The following CAMKMT variants were observed in gnomAD, a reference collection of about 807,000 sequenced individuals.
The protein encoded by CAMKMT is calmodulin-lysine N-methyltransferase, also known as CaM KMT.
A neutral mutation model predicts 48.0 loss-of-function variants in CAMKMT; 53 were observed. The ratio of observed to expected loss-of-function variants is 1.10; its 90% CI spans 0.89 to 1.39. The LOEUF (loss-of-function observed/expected upper bound fraction) is 1.39. Ranked by LOEUF, CAMKMT falls within the 40% of genes most tolerant of loss-of-function variation. The pLI, the probability that CAMKMT is intolerant of heterozygous loss-of-function variation, is 0.00. For synonymous variants in CAMKMT, 165 were observed against 152.3 expected (o/e 1.08, Z -0.61); for missense variants, 428 against 402.7 (o/e 1.06, Z -0.54).
chr2:44,504,636 C>T (rs1286902077), intron 3 of CAMKMT, among the ~76,000 whole-genome samples: 1 of 152,058 alleles, frequency 6.6e-6, no homozygotes, highest in Non-Finnish European at 1.5e-5. Flanking sequence ...TTTGGTGTTG[C>T]TGTTATTTTT....
intron 10 of CAMKMT, among the ~76,000 whole-genome samples, chr2:44,768,594 C>T (rs1243755145): frequency 6.6e-6 from 1 of 151,984 alleles, no homozygotes; most frequent in Non-Finnish European, 1.5e-5. Context: ...TGCTCCTCGC[C>T]CATCCCCATG....
At chr2:44,687,121 A>AT (rs1376905224) in intron 3 of CAMKMT, among the ~76,000 whole-genome samples, 2 of 152,172 alleles carry the variant, frequency 1.3e-5, no homozygotes, top group Non-Finnish European at 2.9e-5. Context: ...ACATAATTCA[A>AT]TTTTTTTATC....
chr2:44,501,897 G>T lies in CAMKMT; in HGVS notation c.376+111592G>T, dbSNP rs568558464. ...GCGGGGTGGGTTGGAGGCGAAACAA[G>T]AATAAAATGATACAACAAAAACAAA... On this transcript the variant is annotated intron_variant, in intron 3 of 10. Transcript: ENST00000378494. 4.6e-5 allele frequency among the ~76,000 whole-genome samples: 7 copies of T among 152,106 alleles called. No homozygotes were observed. In the South Asian group the frequency reaches 1.5e-3, roughly 32 times the overall value.
intron 3 of CAMKMT, among the ~76,000 whole-genome samples, chr2:44,569,548 A>G (rs542185163): frequency 1.3e-5 from 2 of 152,178 alleles, no homozygotes; most frequent in East Asian, 3.9e-4. Flanking sequence ...CTCAGATTCC[A>G]TGATTTTCCT....
chr2:44,382,726 G>A (rs185508463), intron 2 of CAMKMT, among the ~76,000 whole-genome samples: 127 of 152,144 alleles, frequency 8.3e-4, no homozygotes, highest in South Asian at 1.7e-3. Context: ...TGATCCACCC[G>A]CCTTGGCCTC....
chr2:44,547,730 G>A (rs973825425), intron 3 of CAMKMT, among the ~76,000 whole-genome samples: 3 of 152,082 alleles, frequency 2.0e-5, no homozygotes, highest in Admixed American at 2.0e-4. Context: ...CATTTCATAG[G>A]GTTACTATGA....
At chr2:44,565,660 C>T (rs887185688) in intron 3 of CAMKMT, among the ~76,000 whole-genome samples, 2 of 151,318 alleles carry the variant, frequency 1.3e-5, no homozygotes, top group South Asian at 2.1e-4. Flanking sequence ...CTCAGAGAAT[C>T]GGATCTAAGT....
rs1339795687 is a variant in CAMKMT at position 44,653,615 on chromosome 2, GAGA to G, written c.377-50665_377-50663del. Among the ~76,000 whole-genome samples the G allele has an allele frequency of 6.6e-5, 10 of 152,198 alleles. No individual in the cohort carries two copies. Among genetic ancestry groups the G allele is most frequent in the Non-Finnish European group, 1.5e-5 (1 of 68,040 alleles). On this transcript the variant is annotated intron_variant, in intron 3 of 10. Coordinates refer to ENST00000378494, the MANE Select transcript of CAMKMT (RefSeq NM_024766.5). This position sits in a 1 kb window ranked among gnomAD's most constrained non-coding sequence, Gnocchi z 5.2. ...AATGGAGTTATGCAGAAGGTATGCA[GAGA>G]AGGAGTGGCTTAGGTTAGGTTCCCA...
intron 2 of CAMKMT, among the ~76,000 whole-genome samples, chr2:44,376,365 C>T (rs906686425): frequency 2.0e-5 from 3 of 148,738 alleles, no homozygotes; most frequent in Non-Finnish European, 4.4e-5. Flanking sequence ...AGGTTGCAGT[C>T]AGATGAGATT....
chr2:44,378,220 T>C (rs574802464), intron 2 of CAMKMT, among the ~76,000 whole-genome samples: 1 of 152,332 alleles, frequency 6.6e-6, no homozygotes, highest in South Asian at 2.1e-4. Context: ...TATGGGCTAG[T>C]ATAACTTAGT....
chr2:44,628,970 T>A (rs1376265792), intron 3 of CAMKMT, among the ~76,000 whole-genome samples: 2 of 152,178 alleles, frequency 1.3e-5, no homozygotes, highest in African/African-American at 4.8e-5. Flanking sequence ...CATGTACACT[T>A]GAAAAAACAT....
chr2:44,459,582 A>G (rs1487554290), intron 3 of CAMKMT, among the ~76,000 whole-genome samples: 2 of 152,238 alleles, frequency 1.3e-5, no homozygotes, highest in Admixed American at 6.5e-5. Context: ...AAATCAGAAC[A>G]GTGCTTTAAA....
intron 2 of CAMKMT, among the ~76,000 whole-genome samples, chr2:44,381,668 A>T (rs1230871869): frequency 6.6e-6 from 1 of 152,194 alleles, no homozygotes; most frequent in East Asian, 1.9e-4. Context: ...TTACTTAATG[A>T]TGTGGGAAAC....
chr2:44,731,956 T>G (rs1679098896), intron 7 of CAMKMT, among the ~76,000 whole-genome samples: 1 of 152,216 alleles, frequency 6.6e-6, no homozygotes, highest in African/African-American at 2.4e-5. Context: ...GATTTTTCTT[T>G]ATTTTTAAAA....
chr2:44,598,717 T>TGG (rs1670814570), intron 3 of CAMKMT, among the ~76,000 whole-genome samples: 1 of 30,970 alleles, frequency 3.2e-5, no homozygotes, highest in African/African-American at 1.2e-4. Flanking sequence ...GTCCTTTGGG[T>TGG]CTTGTCTTAG....
At chr2:44,550,553 T>C (rs1667651195) in intron 3 of CAMKMT, 1 of 152,208 alleles carries the variant, frequency 6.6e-6, no homozygotes, top group Non-Finnish European at 1.5e-5. Flanking sequence ...ACTATAAAGT[T>C]ATCACTAAGC....
intron 3 of CAMKMT, among the ~76,000 whole-genome samples, chr2:44,609,450 A>T (rs1259686133): frequency 6.6e-6 from 1 of 152,246 alleles, no homozygotes; most frequent in Non-Finnish European, 1.5e-5. Flanking sequence ...TCAATTTTTA[A>T]ATAAAACACT....
intron 3 of CAMKMT, among the ~76,000 whole-genome samples, chr2:44,512,429 G>C (rs1558667616): frequency 6.6e-6 from 1 of 152,090 alleles, no homozygotes; most frequent in Non-Finnish European, 1.5e-5. Context: ...TTATTTTCTA[G>C]CTTTTATGGA....
chr2:44,576,370 G>A (rs545942615), intron 3 of CAMKMT, among the ~76,000 whole-genome samples: 6 of 151,764 alleles, frequency 4.0e-5, no homozygotes, highest in Admixed American at 1.3e-4. Context: ...AAGAACACAG[G>A]TGGGAGAAAG....
Sources: allele counts gnomAD v4.1 joint callset (sites outside exome capture counted in the v4.1 genomes callset), GRCh38; gene constraint gnomAD v4.1.1; non-coding constraint Gnocchi (gnomAD v3.1); transcripts MANE v1.5; gene names NCBI Gene and HGNC (gene_info 2026-07-23, HGNC 2026-07-21).